SHISA9: variants seen among roughly 807,000 people sequenced by gnomAD.
The protein encoded by SHISA9 is protein shisa-9.
In SHISA9, 13 loss-of-function variants were observed where a neutral mutation model predicts 38.0. The ratio of observed to expected loss-of-function variants is 0.34; its 90% CI spans 0.22 to 0.54. The LOEUF is 0.54. Ranked by LOEUF, SHISA9 falls within the 20% of genes least tolerant of loss-of-function variation. The pLI is 0.91. For missense variants in SHISA9, 538 were observed against 575.8 expected (o/e 0.93, Z 0.67); for synonymous variants, 275 against 242.0 (o/e 1.14, Z -1.27).
At chr16:13,430,233 C>A in the SHISA9 span, among the ~76,000 whole-genome samples, 1 of 152,126 alleles carries the variant, frequency 6.6e-6, no homozygotes, top group East Asian at 1.9e-4. Flanking sequence ...TTAAGGCAGC[C>A]CCTAACTGAT....
the SHISA9 span, among the ~76,000 whole-genome samples, chr16:13,290,890 G>C: frequency 3.3e-5 from 5 of 152,164 alleles, no homozygotes; most frequent in African/African-American, 1.2e-4. Flanking sequence ...GCAAGTTGTT[G>C]ACTGGGCCGG....
chr16:13,515,241 C>T, the SHISA9 span, among the ~76,000 whole-genome samples: 1 of 151,904 alleles, frequency 6.6e-6, no homozygotes, highest in Non-Finnish European at 1.5e-5. Context: ...ACTTTCCAGA[C>T]ATACAAAATC....
chr16:13,058,390 G>T (rs935575011), intron 2 of SHISA9, among the ~76,000 whole-genome samples: 3 of 152,168 alleles, frequency 2.0e-5, no homozygotes, highest in African/African-American at 7.2e-5. Context: ...CCTCCCTGGT[G>T]ATTATAACAA....
At chr16:13,089,641 G>A (rs1217424937) in intron 2 of SHISA9, among the ~76,000 whole-genome samples, 2 of 151,674 alleles carry the variant, frequency 1.3e-5, no homozygotes, top group Admixed American at 1.3e-4. Flanking sequence ...TGGGATCAGT[G>A]GTGATATCCC....
the SHISA9 span, among the ~76,000 whole-genome samples, chr16:13,363,372 C>T: frequency 7.2e-5 from 11 of 152,268 alleles, no homozygotes; most frequent in African/African-American, 2.2e-4. Context: ...GCACAATGAC[C>T]GGCACCTAAG....
At chr16:13,487,264 G>A in the SHISA9 span, among the ~76,000 whole-genome samples, 13 of 152,182 alleles carry the variant, frequency 8.5e-5, no homozygotes, top group African/African-American at 1.2e-4. Context: ...GTGTTAGGCC[G>A]TTCTTGCATT....
At chr16:13,550,390 T>G in the SHISA9 span, among the ~76,000 whole-genome samples, 1 of 152,320 alleles carries the variant, frequency 6.6e-6, no homozygotes, top group Admixed American at 6.5e-5. Flanking sequence ...AATTTGAACT[T>G]TCTAAAATAA....
At chr16:13,175,941 G>C (rs1292872114) in intron 2 of SHISA9, among the ~76,000 whole-genome samples, 2 of 152,114 alleles carry the variant, frequency 1.3e-5, no homozygotes, top group African/African-American at 2.4e-5. Flanking sequence ...ACTGAGATTT[G>C]AACCGAGGTA....
At chr16:13,534,798 T>G in the SHISA9 span, among the ~76,000 whole-genome samples, 1 of 152,130 alleles carries the variant, frequency 6.6e-6, no homozygotes, top group African/African-American at 2.4e-5. Flanking sequence ...ATCTGTCTTC[T>G]CCCCTCTTCT....
At chr16:13,354,866 C>T in the SHISA9 span, among the ~76,000 whole-genome samples, 7 of 151,938 alleles carry the variant, frequency 4.6e-5, no homozygotes, top group South Asian at 4.2e-4. Context: ...AGAATTATGG[C>T]GAGATAGGTA....
At chr16:13,009,873 T>A (rs2072648345) in intron 2 of SHISA9, among the ~76,000 whole-genome samples, 1 of 152,154 alleles carries the variant, frequency 6.6e-6, no homozygotes, top group Admixed American at 6.5e-5. Context: ...GGCCTGTTTT[T>A]CCTTTTTATA....
chr16:13,240,753 A>G (rs566281418), downstream of SHISA9, among the ~76,000 whole-genome samples: 272 of 152,310 alleles, frequency 1.8e-3, 1 homozygote, highest in African/African-American at 6.2e-3. Flanking sequence ...TTGAACGCTG[A>G]TCAGGGTCAT....
intron 2 of SHISA9, among the ~76,000 whole-genome samples, chr16:13,009,061 G>A (rs1490228978): frequency 1.3e-5 from 2 of 151,708 alleles, no homozygotes; most frequent in African/African-American, 2.4e-5. Context: ...TGTCCGTTAT[G>A]TTCTAGGCTC....
chr16:13,100,804 T>G (rs1175461787), intron 2 of SHISA9, among the ~76,000 whole-genome samples: 1 of 152,168 alleles, frequency 6.6e-6, no homozygotes, highest in African/African-American at 2.4e-5. Context: ...GCCTCTCCGG[T>G]TCAAGGGATT....
At chr16:12,979,018 G>C (rs533671968) in intron 2 of SHISA9, among the ~76,000 whole-genome samples, 1 of 152,098 alleles carries the variant, frequency 6.6e-6, no homozygotes, top group Non-Finnish European at 1.5e-5. Flanking sequence ...CCAAATCCTC[G>C]TTATACACCT....
the SHISA9 span, among the ~76,000 whole-genome samples, chr16:13,425,625 C>T: frequency 6.6e-6 from 1 of 152,202 alleles, no homozygotes; most frequent in Non-Finnish European, 1.5e-5. Flanking sequence ...CAGCATTATG[C>T]AATACACTCG....
intron 2 of SHISA9, among the ~76,000 whole-genome samples, chr16:12,982,679 G>GT (rs1284583311): frequency 1.3e-5 from 2 of 152,138 alleles, no homozygotes; most frequent in East Asian, 1.9e-4. Flanking sequence ...ACCAGGTTTA[G>GT]TTTTTTGCAA....
intron 1 of SHISA9, among the ~76,000 whole-genome samples, chr16:12,906,875 C>G (rs562510261): frequency 3.7e-4 from 56 of 152,204 alleles, no homozygotes; most frequent in Non-Finnish European, 5.6e-4. Context: ...ACTCCACACC[C>G]CAGTTTTGAC....
chr16:13,173,895 A>G (rs986808386), intron 2 of SHISA9, among the ~76,000 whole-genome samples: 3 of 152,012 alleles, frequency 2.0e-5, no homozygotes, highest in Non-Finnish European at 2.9e-5. Context: ...CCTGGAGGAG[A>G]TGATGGCTGA....
Sources: gnomAD v4.1 joint callset for allele counts (sites outside exome capture counted in the v4.1 genomes callset) on GRCh38, gnomAD v4.1.1 for gene constraint, MANE v1.5 for transcripts, NCBI Gene and HGNC (gene_info 2026-07-23, HGNC 2026-07-21) for gene names.